SIRPB1: variants seen among roughly 807,000 people sequenced by gnomAD.
The protein encoded by SIRPB1 is signal regulatory protein beta 1, also known as signal-regulatory protein beta-1.
In SIRPB1, 28 loss-of-function variants were observed where a neutral mutation model predicts 34.1. The observed-to-expected ratio is 0.82, with a 90% confidence interval of 0.61 to 1.12. The LOEUF is 1.12. Among genes scored for constraint, SIRPB1 ranks in the 50% most tolerant of loss-of-function variants. The pLI is 0.00. For missense variants in SIRPB1, 499 were observed against 507.0 expected (o/e 0.98, Z 0.15); for synonymous variants, 211 against 203.8 (o/e 1.04, Z -0.30).
In SIRPB1 at chr20:1,567,610, G is replaced by A. The variant is rs190783417; in HGVS notation, c.1085-1343C>T. On this transcript the variant is annotated intron_variant, in intron 4 of 5. Transcript: ENST00000381605. The stretch of plus-strand genomic sequence containing the variant: ...TGATTACTCATCAGCTAGCAATGAG[G>A]ACCCCAGGGCTGGTGGTGAATGGGA... Among the ~76,000 whole-genome samples, 3 of 152,356 alleles carry A rather than the reference G, an allele frequency of 2.0e-5. No individual in the cohort carries two copies. The East Asian group carries it at 5.8e-4, about 29-fold the overall frequency.
intron 1 of SIRPB1, among the ~76,000 whole-genome samples, chr20:1,615,775 T>C (rs1208778295): frequency 1.3e-5 from 2 of 152,350 alleles, no homozygotes; most frequent in African/African-American, 4.8e-5. Context: ...TGTGGACATC[T>C]TTTTGTGAAA....
intron 1 of SIRPB1, among the ~76,000 whole-genome samples, chr20:1,613,896 T>A (rs980546492): frequency 4.9e-4 from 74 of 152,114 alleles, no homozygotes; most frequent in African/African-American, 1.7e-3. Context: ...ACAGAAGAAA[T>A]GCAAGTTGAA....
chr20:1,607,670 C>A lies in SIRPB1; in HGVS notation c.76+12199G>T, dbSNP rs1207151895. The stretch of plus-strand genomic sequence containing the variant: ...TACTTGGGGCCTACAGAAGCCCTGA[C>A]CTGTCTGAGGTCACACAGCTTCACC... On this transcript the variant is annotated intron_variant, in intron 1 of 5. Transcript: ENST00000381605. 3.0e-5 allele frequency among the ~76,000 whole-genome samples: 2 copies of A among 67,732 alleles called. 1 individual carries two copies. Among genetic ancestry groups the A allele is most frequent in the African/African-American group, 2.0e-4 (2 of 10,144 alleles). The allele number at this position is 67,732 out of a possible 152,430, so 44.4% of individuals were successfully genotyped here. A position where few individuals can be genotyped will look rare whatever the true frequency, so the allele number is the denominator to read the frequency against.
chr20:1,605,519 G>A lies in SIRPB1; in HGVS notation c.76+14350C>T, dbSNP rs1166340204. Among the ~76,000 whole-genome samples the A allele has an allele frequency of 4.1e-5, 2 of 49,068 alleles. 1 individual carries two copies. Among genetic ancestry groups the A allele is most frequent in the Non-Finnish European group, 7.7e-5 (2 of 26,024 alleles). The allele number at this position is 49,068 out of a possible 152,430, so 32.2% of individuals were successfully genotyped here. A position where few individuals can be genotyped will look rare whatever the true frequency, so the allele number is the denominator to read the frequency against. On this transcript the variant is annotated intron_variant, in intron 1 of 5. Transcript: ENST00000381605. ...AACCAGGCTGCTCAGCCCAGGACAG[G>A]GGTGGGCTGACACCCCCAGCTCCTC... is the stretch of plus-strand genomic sequence containing the variant.
chr20:1,607,573 G>T (rs749345618), intron 1 of SIRPB1, among the ~76,000 whole-genome samples: 10,828 of 38,144 alleles, frequency 0.28, 3,933 homozygotes, highest in Middle Eastern at 0.46. Flanking sequence ...CTTTTTTTTT[G>T]ATAGTTTTCC....
In SIRPB1 at chr20:1,587,301, A is replaced by C. The variant is rs1248153780; in HGVS notation, c.77-8607T>G. On this transcript the variant is annotated intron_variant, in intron 1 of 5. Transcript: ENST00000381605. ...CTGAACTATTACTGCTGTCATTTGAATACAGTGTATGGTAAGAAAAATGAT... is the reference window on the plus strand; with the variant it reads ...CTGAACTATTACTGCTGTCATTTGACTACAGTGTATGGTAAGAAAAATGAT... Among the ~76,000 whole-genome samples the C allele has an allele frequency of 4.0e-5, 2 of 49,568 alleles. 1 individual carries two copies. The highest frequency in any genetic ancestry group is 7.8e-5 in the Non-Finnish European group (2 of 25,598). 32.5% of individuals were successfully genotyped at this position (49,568 alleles called of 152,430 possible).
At chr20:1,567,037 G>C (rs1939663782) in intron 4 of SIRPB1, among the ~76,000 whole-genome samples, 1 of 152,164 alleles carries the variant, frequency 6.6e-6, no homozygotes, top group Admixed American at 6.5e-5. Context: ...TGTTGGGACT[G>C]TTTGCATTTT....
intron 4 of SIRPB1, among the ~76,000 whole-genome samples, chr20:1,568,805 T>A (rs2091180912): frequency 1.4e-5 from 2 of 148,052 alleles, no homozygotes; most frequent in African/African-American, 2.5e-5. Context: ...AAGCAGGAGA[T>A]AGGAATTAAT....
At chr20:1,570,367 G>T (rs374943474) in intron 4 of SIRPB1, 4 of 156,162 alleles carry the variant, frequency 2.6e-5, no homozygotes. Flanking sequence ...CTGGAGACTG[G>T]TGGCTGAGGT....
intron 1 of SIRPB1, among the ~76,000 whole-genome samples, chr20:1,580,152 C>T (rs1379633489): frequency 6.7e-6 from 1 of 148,314 alleles, no homozygotes; most frequent in Non-Finnish European, 1.5e-5. Flanking sequence ...AAGGCGCTTT[C>T]AGCAGAGCTG....
rs1416452858 is a variant in SIRPB1, at chr20:1,589,524, A to C, written c.77-10830T>G. On this transcript the variant is annotated intron_variant, in intron 1 of 5. Coordinates refer to ENST00000381605, the MANE Select transcript of SIRPB1 (RefSeq NM_006065.5). ...CAAGGTGTGCTAAGGAGTTGGGGAA[A>C]TCATTGCAGCCATCTACGCTCAATT... is the stretch of plus-strand genomic sequence containing the variant. Among the ~76,000 whole-genome samples the C allele has an allele frequency of 1.6e-4, 8 of 48,952 alleles. 4 individuals are homozygous for C. The highest frequency in any genetic ancestry group is 1.1e-3 in the African/African-American group (8 of 7,312). The allele number at this position is 48,952 out of a possible 152,430, so 32.1% of individuals were successfully genotyped here. A position where few individuals can be genotyped will look rare whatever the true frequency, so the allele number is the denominator to read the frequency against.
chr20:1,617,609 C>A (rs952190983), intron 1 of SIRPB1, among the ~76,000 whole-genome samples: 1 of 152,112 alleles, frequency 6.6e-6, no homozygotes, highest in African/African-American at 2.4e-5. Context: ...TTCCACAAAT[C>A]TATTGTACAA....
chr20:1,571,597 C>T, intron 3 of SIRPB1, 123 bp downstream of exon 3: 2 of 1,405,004 alleles, frequency 1.4e-6, no homozygotes, highest in Non-Finnish European at 2.0e-6. Context: ...CACCTAGGTG[C>T]ATGGGAGGTG....
chr20:1,619,029 A>T (rs1460081196), intron 1 of SIRPB1, among the ~76,000 whole-genome samples: 1 of 152,190 alleles, frequency 6.6e-6, no homozygotes. Flanking sequence ...TGATATTCTC[A>T]TAAGAAGAGG....
intron 3 of SIRPB1, 144 bp from the exon 4 acceptor site, chr20:1,571,281 C>G: frequency 1.1e-6 from 1 of 875,790 alleles, no homozygotes; most frequent in Non-Finnish European, 1.7e-6. Context: ...ATTGAGGGCA[C>G]TCGTTGCATA....
In SIRPB1 at chr20:1,595,730, T is replaced by C. The variant is rs1446082655; in HGVS notation, c.77-17036A>G. ...ACCTATAGGGTTCTGTAGCCAAGGATTGAGCTTGCAGCTTCAGAGACCATA... is the reference window on the plus strand; with the variant it reads ...ACCTATAGGGTTCTGTAGCCAAGGACTGAGCTTGCAGCTTCAGAGACCATA... On this transcript the variant is annotated intron_variant, in intron 1 of 5. Transcript: ENST00000381605. Among the ~76,000 whole-genome samples, 2 of 48,800 alleles carry C rather than the reference T, an allele frequency of 4.1e-5. 1 individual carries two copies. Among genetic ancestry groups the C allele is most frequent in the Non-Finnish European group, 7.9e-5 (2 of 25,306 alleles). 32.0% of individuals were successfully genotyped at this position (48,800 alleles called of 152,430 possible).
In SIRPB1 at chr20:1,564,958, A is replaced by G; in HGVS notation, c.*542T>C. The G allele has an allele frequency of 2.5e-6, 1 of 398,612 alleles. No homozygotes were observed. The allele number at this position is 398,612 out of a possible 1,614,324, so 24.7% of individuals were successfully genotyped here. ...GACTGGGAAGGCTGCAGGATACTAG[A>G]AGAAATACTGTCTCCATCACAGAGA... On this transcript the variant is annotated 3_prime_UTR_variant, in exon 6 of 6. Coordinates refer to ENST00000381605, the MANE Select transcript of SIRPB1 (RefSeq NM_006065.5).
intron 1 of SIRPB1, among the ~76,000 whole-genome samples, chr20:1,615,539 T>C (rs1410908818): frequency 1.3e-5 from 2 of 152,218 alleles, no homozygotes; most frequent in Admixed American, 6.5e-5. Context: ...TGTTAACAGT[T>C]GGCATTATTA....
At chr20:1,617,557 G>T (rs964719930) in intron 1 of SIRPB1, among the ~76,000 whole-genome samples, 1 of 152,140 alleles carries the variant, frequency 6.6e-6, no homozygotes, top group African/African-American at 2.4e-5. Context: ...GAGAGATATT[G>T]GTCAAAGGAT....
Sources: gnomAD v4.1 joint callset for allele counts (sites outside exome capture counted in the v4.1 genomes callset) on GRCh38, gnomAD v4.1.1 for gene constraint, MANE v1.5 for transcripts, NCBI Gene and HGNC (gene_info 2026-07-23, HGNC 2026-07-21) for gene names.